Variants in CFAP221 observed in about 807,000 individuals in gnomAD.
The protein encoded by CFAP221 is cilia and flagella associated protein 221.
A neutral mutation model predicts 113.1 loss-of-function variants in CFAP221; 97 were observed. That is an observed-to-expected ratio of 0.86 (90% CI 0.73 to 1.02). The LOEUF (loss-of-function observed/expected upper bound fraction) is 1.02. Ranked by LOEUF, CFAP221 falls within the 50% of genes least tolerant of loss-of-function variation. CFAP221 has a pLI of 0.00. For missense variants in CFAP221, 1,025 were observed against 1,013.4 expected (o/e 1.01, Z -0.16); for synonymous variants, 331 against 354.4 (o/e 0.93, Z 0.74).
rs753441574 is a variant in CFAP221, at chr2:119,604,912, T to G, written c.949T>G (p.Leu317Val). Reference sequence around the variant, plus strand: ...CCAGAACCTCAGATTTCCAGTAGATTTATCGAATCCATTTGCTGTGGCAAC... The same window carrying G: ...CCAGAACCTCAGATTTCCAGTAGATGTATCGAATCCATTTGCTGTGGCAAC... ...EYQNLRFPVD[L>V]SNPFAVATVL... The change falls in exon 10 of 24, where the codon TTA (leucine) becomes GTA (valine). Residue 317 changes from leucine to valine, a missense_variant. Transcript: ENST00000413369. 2 of 1,614,074 alleles carry G rather than the reference T, an allele frequency of 1.2e-6. No individual in the cohort carries two copies. Among genetic ancestry groups the G allele is most frequent in the Non-Finnish European group, 1.7e-6 (2 of 1,180,014 alleles).
intron 22 of CFAP221, chr2:119,648,573 G>A (rs1416864805): frequency 5.5e-5 from 10 of 180,998 alleles, no homozygotes; most frequent in Non-Finnish European, 9.3e-5. Flanking sequence ...CTCCCTACCC[G>A]CTATTTCCTG....
chr2:119,645,802 T>C (rs1687768792), intron 21 of CFAP221, among the ~76,000 whole-genome samples: 1 of 152,204 alleles, frequency 6.6e-6, no homozygotes, highest in African/African-American at 2.4e-5. Context: ...GGCTCCAGGC[T>C]CTGTCATTCT....
intron 13 of CFAP221, among the ~76,000 whole-genome samples, chr2:119,615,324 G>GTGACT (rs1455924381): frequency 5.9e-5 from 9 of 152,156 alleles, no homozygotes; most frequent in Non-Finnish European, 1.2e-4. Context: ...CATGGGATTG[G>GTGACT]TGACTTTATT....
chr2:119,600,183 C>G (rs1048901017), intron 7 of CFAP221, among the ~76,000 whole-genome samples: 2 of 152,140 alleles, frequency 1.3e-5, no homozygotes, highest in African/African-American at 4.8e-5. Flanking sequence ...TAACATTGAT[C>G]CTCCCTTTCT....
At chr2:119,606,707 G>A (rs1171142528) in intron 11 of CFAP221, among the ~76,000 whole-genome samples, 1 of 152,150 alleles carries the variant, frequency 6.6e-6, no homozygotes, top group Non-Finnish European at 1.5e-5. Context: ...GTCAGTGCTG[G>A]TGTTTTTGTT....
chr2:119,601,543 A>G (rs1684368086), intron 8 of CFAP221, 166 bp downstream of exon 8: 4 of 633,146 alleles, frequency 6.3e-6, no homozygotes, highest in Admixed American at 3.6e-5. Context: ...AATATAGAAT[A>G]TATCTATGCT....
In CFAP221 at chr2:119,630,588, AT is replaced by A; in HGVS notation, c.1752del (p.Lys585ArgfsTer24). 6 of 1,612,176 alleles carry A rather than the reference AT, an allele frequency of 3.7e-6. No individual in the cohort carries two copies. The highest frequency in any genetic ancestry group is 5.1e-6 in the Non-Finnish European group (6 of 1,178,162). ...FNLQVPQLYKIKRYQPFSVHK... is the reference protein window; with the variant it reads ...FNLQVPQLYKXKRYQPFSVHK... ...CCTTCAGGTTCCTCAACTGTACAAA[AT>A]TAAGAGATATCAGCCATTCTCTGTC... is the stretch of plus-strand genomic sequence containing the variant. On this transcript the variant is annotated frameshift_variant, in exon 18 of 24. Coordinates refer to ENST00000413369, the MANE Select transcript of CFAP221 (RefSeq NM_001271049.2). LOFTEE classifies it high-confidence loss of function.
chr2:119,573,522 T>TTTGCATAAAACA (rs1342494115), intron 6 of CFAP221: 1 of 152,200 alleles, frequency 6.6e-6, no homozygotes, highest in African/African-American at 2.4e-5. Context: ...CAAATTGATA[T>TTTGCATAAAACA]TTGCATAAAA....
At chr2:119,562,393 G>A (rs1461754996) in intron 6 of CFAP221, among the ~76,000 whole-genome samples, 6 of 152,246 alleles carry the variant, frequency 3.9e-5, no homozygotes, top group African/African-American at 7.2e-5. Flanking sequence ...ATTTAAATCC[G>A]GTTGCAGGAG....
At chr2:119,639,929 C>A in intron 21 of CFAP221, 57 bp downstream of exon 21, 1 of 1,419,738 alleles carries the variant, frequency 7.0e-7, no homozygotes, top group Non-Finnish European at 9.9e-7. Flanking sequence ...ATTACAGAGG[C>A]AATGATCCCC....
At chr2:119,658,709 G>A (rs1300080731), downstream of CFAP221, among the ~76,000 whole-genome samples, 1 of 152,040 alleles carries the variant, frequency 6.6e-6, no homozygotes, top group African/African-American at 2.4e-5. Flanking sequence ...GGCCAGGCGT[G>A]GTGGCTCACG....
At chr2:119,554,810 T>C (rs984586500) in intron 3 of CFAP221, among the ~76,000 whole-genome samples, 5 of 152,220 alleles carry the variant, frequency 3.3e-5, no homozygotes, top group African/African-American at 4.8e-5. Context: ...CATTTTAAAA[T>C]AAAACGCTTT....
chr2:119,638,684 G>T (rs964928674), intron 20 of CFAP221, among the ~76,000 whole-genome samples: 1 of 152,142 alleles, frequency 6.6e-6, no homozygotes, highest in South Asian at 2.1e-4. Context: ...ATGTTCACGT[G>T]TTTGTATTTC....
chr2:119,645,130 G>C (rs1024795071), intron 21 of CFAP221, among the ~76,000 whole-genome samples: 18 of 147,550 alleles, frequency 1.2e-4, no homozygotes, highest in South Asian at 2.2e-4. Flanking sequence ...GTCTCTGTCT[G>C]TCTCTCTCTC....
chr2:119,559,532 T>A (rs181384087), intron 3 of CFAP221, among the ~76,000 whole-genome samples, 157 bp from the exon 4 acceptor site: 57 of 152,284 alleles, frequency 3.7e-4, no homozygotes, highest in Admixed American at 3.1e-3. Context: ...ATGTTTATTA[T>A]TTTTTAAATG....
chr2:119,571,485 C>T (rs1682052448), intron 6 of CFAP221, among the ~76,000 whole-genome samples: 1 of 149,654 alleles, frequency 6.7e-6, no homozygotes, highest in Non-Finnish European at 1.5e-5. Flanking sequence ...GACAGAGTTT[C>T]ACTCTGTCAC....
Position 119,562,114 on chromosome 2 carries a change from G to A in CFAP221, c.527G>A (p.Ser176Asn). The A allele has an allele frequency of 6.6e-7, 1 of 1,520,782 alleles. No homozygotes were observed. The highest frequency in any genetic ancestry group is 8.8e-7 in the Non-Finnish European group (1 of 1,134,554). The allele number at this position is 1,520,782 out of a possible 1,614,324, so 94.2% of individuals were successfully genotyped here. Reference sequence around the variant, plus strand: ...CTGTCAAATGTTCTACTTGGTGAAAGGTGAGTTACCAAAATGTCAACAAAA... The same window carrying A: ...CTGTCAAATGTTCTACTTGGTGAAAAGTGAGTTACCAAAATGTCAACAAAA... ...INLSNVLLGESKTYVIPLQCS... is the reference protein window; with the variant it reads ...INLSNVLLGENKTYVIPLQCS... The change falls in exon 6 of 24, where the codon AGC becomes AAC. Residue 176 changes from serine to asparagine, a missense_variant and splice_region_variant. By Grantham distance (46) the Ser-to-Asn change is conservative. Transcript: ENST00000413369.
chr2:119,647,262 T>A (rs544889991), intron 22 of CFAP221, among the ~76,000 whole-genome samples: 1 of 152,300 alleles, frequency 6.6e-6, no homozygotes, highest in Non-Finnish European at 1.5e-5. Flanking sequence ...GGCTTCCTGA[T>A]CTTTAGCTCT....
chr2:119,586,949 G>T (rs897061747), intron 6 of CFAP221, 170 bp from the exon 7 acceptor site: 8 of 485,750 alleles, frequency 1.6e-5, no homozygotes, highest in South Asian at 7.8e-5. Flanking sequence ...GATTAAAATA[G>T]TTAATACATG....
Sources: gnomAD v4.1 joint callset for allele counts (sites outside exome capture counted in the v4.1 genomes callset) on GRCh38, gnomAD v4.1.1 for gene constraint, MANE v1.5 for transcripts, NCBI Gene and HGNC (gene_info 2026-07-23, HGNC 2026-07-21) for gene names.